Variants in SUN2 observed in about 807,000 individuals in gnomAD.
SUN2 encodes the protein Sad1 and UNC84 domain containing 2.
A neutral mutation model predicts 100.0 loss-of-function variants in SUN2; 60 were observed. That is an observed-to-expected ratio of 0.60 (90% CI 0.49 to 0.74). SUN2 has a LOEUF of 0.74. Among genes scored for constraint, SUN2 ranks in the 30% least tolerant of loss-of-function variants. The pLI is 0.00. For missense variants in SUN2, 834 were observed against 954.6 expected, an observed-to-expected ratio of 0.87 and a Z score of 1.66; for synonymous variants, 367 against 403.3, an observed-to-expected ratio of 0.91 and a Z score of 1.08.
chr22:38,750,389 A>G, intron 4 of SUN2, 69 bp from the exon 5 acceptor site: 1 of 1,590,856 alleles, frequency 6.3e-7, no homozygotes, highest in Non-Finnish European at 8.6e-7. Flanking sequence ...GTCTTCTGTG[A>G]GCCAAGACCA....
Position 38,738,292 on chromosome 22 carries a change from G to A in SUN2, c.1948-27C>T, listed in dbSNP as rs374641063. The A allele has an allele frequency of 1.3e-6, 2 of 1,595,860 alleles. No individual in the cohort carries two copies. The highest frequency in any genetic ancestry group is 1.7e-6 in the Non-Finnish European group (2 of 1,165,000). ...TGCAAAGAGAGCGGAGGGAAGTGGG[G>A]AGGGGCTGGAGCAGGGAGAACACCC... On this transcript the variant is annotated intron_variant, in intron 16 of 17. Coordinates refer to ENST00000689035, the MANE Select transcript of SUN2 (RefSeq NM_015374.3). The surrounding 1 kb of genome is among the most constrained non-coding windows in gnomAD (Gnocchi z 6.6).
In SUN2 at chr22:38,755,202, C is replaced by T; in HGVS notation, c.-38+561G>A. On this transcript the variant is annotated intron_variant, in intron 1 of 17. Transcript: ENST00000689035. The surrounding 1 kb of genome is among the most constrained non-coding windows in gnomAD (Gnocchi z 5.7). Reference sequence around the variant, plus strand: ...TTCCACTCCCTGGGCACAGCCAGGCCACACGCCCTTGTGGGACCTGCCAAA... The same window carrying T: ...TTCCACTCCCTGGGCACAGCCAGGCTACACGCCCTTGTGGGACCTGCCAAA... 8.5e-7 allele frequency: 1 copy of T among 1,178,088 alleles called. No homozygotes were observed. Among genetic ancestry groups the T allele is most frequent in the South Asian group, 1.6e-5 (1 of 63,078 alleles). 73.0% of individuals were successfully genotyped at this position (1,178,088 alleles called of 1,614,324 possible).
chr22:38,735,439 G>T lies in SUN2; in HGVS notation c.*828C>A. The T allele has an allele frequency of 3.1e-6, 1 of 324,064 alleles. No individual in the cohort carries two copies. The highest frequency in any genetic ancestry group is 2.3e-5 in the South Asian group (1 of 42,874). 20.1% of individuals were successfully genotyped at this position (324,064 alleles called of 1,614,324 possible). A position where few individuals can be genotyped will look rare whatever the true frequency, so the allele number is the denominator to read the frequency against. ...CCAGATGCTAATGGCCCCAAAGACAGGTCTAGGTCTCCATACCCTGGGAGA... is the reference window on the plus strand; with the variant it reads ...CCAGATGCTAATGGCCCCAAAGACATGTCTAGGTCTCCATACCCTGGGAGA... On this transcript the variant is annotated 3_prime_UTR_variant, in exon 18 of 18. Coordinates refer to ENST00000689035, the MANE Select transcript of SUN2 (RefSeq NM_015374.3).
Position 38,736,008 on chromosome 22 carries a change from T to C in SUN2, c.*259A>G. ...AACTTCCCAGTCCCCCATGATATGC[T>C]ACATATATACACACTCCCAGGATGG... On this transcript the variant is annotated 3_prime_UTR_variant, in exon 18 of 18. Coordinates refer to ENST00000689035, the MANE Select transcript of SUN2 (RefSeq NM_015374.3). 1 of 438,348 alleles carries C rather than the reference T, an allele frequency of 2.3e-6. No individual in the cohort carries two copies. Among genetic ancestry groups the C allele is most frequent in the Non-Finnish European group, 4.4e-6 (1 of 229,260 alleles). The allele number at this position is 438,348 out of a possible 1,614,324, so 27.2% of individuals were successfully genotyped here.
chr22:38,744,528 T>A (rs189388356), intron 8 of SUN2, among the ~76,000 whole-genome samples: 1 of 151,926 alleles, frequency 6.6e-6, no homozygotes. Flanking sequence ...TTACAATGAG[T>A]TATGATTATA....
Position 38,740,574 on chromosome 22 carries a change from G to A in SUN2, c.1191-142C>T. On this transcript the variant is annotated intron_variant, in intron 11 of 17. Transcript: ENST00000689035. This position sits in a 1 kb window ranked among gnomAD's most constrained non-coding sequence, Gnocchi z 4.8. Reference sequence around the variant, plus strand: ...TCATTGTGAACCTGAGAAGGGGCAAGGCCTCTCCTGGGGGTTCTGGCTGCA... The same window carrying A: ...TCATTGTGAACCTGAGAAGGGGCAAAGCCTCTCCTGGGGGTTCTGGCTGCA... 5 of 885,644 alleles carry A rather than the reference G, an allele frequency of 5.6e-6. No individual in the cohort carries two copies. The South Asian group carries it at 1.1e-4, about 20-fold the overall frequency. 54.9% of individuals were successfully genotyped at this position (885,644 alleles called of 1,614,324 possible). A position where few individuals can be genotyped will look rare whatever the true frequency, so the allele number is the denominator to read the frequency against.
At chr22:38,753,986 C>T (rs2092967382) in intron 1 of SUN2, among the ~76,000 whole-genome samples, 2 of 152,144 alleles carry the variant, frequency 1.3e-5, no homozygotes, top group African/African-American at 4.8e-5. Context: ...AAACTTGTTA[C>T]ACAACAAATA....
Position 38,740,864 on chromosome 22 carries a change from G to T in SUN2, c.1190+143C>A. On this transcript the variant is annotated intron_variant, in intron 11 of 17. Transcript: ENST00000689035. This position sits in a 1 kb window ranked among gnomAD's most constrained non-coding sequence, Gnocchi z 4.8. ...GACAGGCCCTGGGCAGGGGTCCTGA[G>T]CTGGGTTTCAACCCCTCCCCCTACC... is the stretch of plus-strand genomic sequence containing the variant. The T allele has an allele frequency of 1.1e-6, 1 of 906,488 alleles. No homozygotes were observed. Among genetic ancestry groups the T allele is most frequent in the African/African-American group, 1.6e-5 (1 of 61,030 alleles). 56.2% of individuals were successfully genotyped at this position (906,488 alleles called of 1,614,324 possible). A position where few individuals can be genotyped will look rare whatever the true frequency, so the allele number is the denominator to read the frequency against.
rs913262793 is a variant in SUN2 at position 38,742,677 on chromosome 22, A to G, written c.814-122T>C. On this transcript the variant is annotated intron_variant, in intron 8 of 17. Coordinates refer to ENST00000689035, the MANE Select transcript of SUN2 (RefSeq NM_015374.3). ...AAAGATTCCAGAGACGTTCCAGCATAAGGCCATGCAGGGCCGGCTGGAGCT... is the reference window on the plus strand; with the variant it reads ...AAAGATTCCAGAGACGTTCCAGCATGAGGCCATGCAGGGCCGGCTGGAGCT... 5.9e-5 allele frequency: 78 copies of G among 1,330,682 alleles called. No homozygotes were observed. In the African/African-American group the frequency reaches 9.7e-4, roughly 17 times the overall value. The allele number at this position is 1,330,682 out of a possible 1,614,324, so 82.4% of individuals were successfully genotyped here. A position where few individuals can be genotyped will look rare whatever the true frequency, so the allele number is the denominator to read the frequency against.
chr22:38,748,847 G>T, intron 6 of SUN2, 64 bp from the exon 7 acceptor site: 2 of 1,514,620 alleles, frequency 1.3e-6, no homozygotes, highest in South Asian at 1.1e-5. Context: ...AGGCCTCCAC[G>T]TTCCACCCAG....
chr22:38,748,846 C>T (rs920094993), intron 6 of SUN2, 63 bp from the exon 7 acceptor site: 83 of 1,529,514 alleles, frequency 5.4e-5, no homozygotes, highest in Non-Finnish European at 7.0e-5. Flanking sequence ...CAGGCCTCCA[C>T]GTTCCACCCA....
chr22:38,739,497 G>T lies in SUN2; in HGVS notation c.1579-71C>A. 3.8e-6 allele frequency: 6 copies of T among 1,560,250 alleles called. No homozygotes were observed. Among genetic ancestry groups the T allele is most frequent in the Non-Finnish European group, 5.3e-6 (6 of 1,139,172 alleles). On this transcript the variant is annotated intron_variant, in intron 13 of 17. Coordinates refer to ENST00000689035, the MANE Select transcript of SUN2 (RefSeq NM_015374.3). This position sits in a 1 kb window ranked among gnomAD's most constrained non-coding sequence, Gnocchi z 6.7. ...GTCCCCCTGTCACCTCGTGGCCGTGGGCCAAGGACCCATGGGCTGACCCCT... is the reference window on the plus strand; with the variant it reads ...GTCCCCCTGTCACCTCGTGGCCGTGTGCCAAGGACCCATGGGCTGACCCCT...
intron 8 of SUN2, chr22:38,745,274 A>G (rs1479628235): frequency 2.2e-6 from 1 of 452,006 alleles, no homozygotes; most frequent in African/African-American, 2.0e-5. Flanking sequence ...CTGCAGACAG[A>G]CAGATCCACA....
chr22:38,742,160 AG>A lies in SUN2; in HGVS notation c.1068+140del, dbSNP rs201123269. 935 of 1,096,498 alleles carry A rather than the reference AG, an allele frequency of 8.5e-4. 7 individuals carry two copies. In the East Asian group the frequency reaches 0.023, roughly 27 times the overall value. 67.9% of individuals were successfully genotyped at this position (1,096,498 alleles called of 1,614,324 possible). The stretch of plus-strand genomic sequence containing the variant: ...ATTGTCTCAAAAAGAAAAAAAAAAA[AG>A]AAAAAAAGAGAAAGGGAGTAACTGC... On this transcript the variant is annotated intron_variant, in intron 9 of 17. Coordinates refer to ENST00000689035, the MANE Select transcript of SUN2 (RefSeq NM_015374.3).
rs1183939392 is a variant in SUN2 at position 38,755,530 on chromosome 22, G to T, written c.-38+233C>A. The T allele has an allele frequency of 1.3e-5, 13 of 980,172 alleles. No individual in the cohort carries two copies. The highest frequency in any genetic ancestry group is 5.2e-4 in the Middle Eastern group (1 of 1,922). The allele number at this position is 980,172 out of a possible 1,614,324, so 60.7% of individuals were successfully genotyped here. On this transcript the variant is annotated intron_variant, in intron 1 of 17. Coordinates refer to ENST00000689035, the MANE Select transcript of SUN2 (RefSeq NM_015374.3). This position sits in a 1 kb window ranked among gnomAD's most constrained non-coding sequence, Gnocchi z 5.7. ...CCCGGGAGGCTGCCCGGGAAGTCCC[G>T]CCCGCAGACACCGCCCTCCCGGCTG...
Position 38,737,697 on chromosome 22 carries a change from G to A in SUN2, c.2040+476C>T, listed in dbSNP as rs2037061405. The stretch of plus-strand genomic sequence containing the variant: ...ATGGTTTGTTCAAATGCAGGCTCCT[G>A]GGTCCTGTCAGCCCTAAGGAACCAG... On this transcript the variant is annotated intron_variant, in intron 17 of 17. Transcript: ENST00000689035. The surrounding 1 kb of genome is among the most constrained non-coding windows in gnomAD (Gnocchi z 4.1). 2.8e-6 allele frequency: 1 copy of A among 357,218 alleles called. No homozygotes were observed. Among genetic ancestry groups the A allele is most frequent in the African/African-American group, 2.1e-5 (1 of 46,700 alleles). The allele number at this position is 357,218 out of a possible 1,614,324, so 22.1% of individuals were successfully genotyped here.
rs751557207 is a variant in SUN2, at chr22:38,741,581, G to C, written c.1069-10C>G. 9.3e-6 allele frequency: 15 copies of C among 1,613,354 alleles called. No individual in the cohort carries two copies. The South Asian group carries it at 1.5e-4, about 17-fold the overall frequency. On this transcript the variant is annotated splice_polypyrimidine_tract_variant and intron_variant, in intron 9 of 17. Coordinates refer to ENST00000689035, the MANE Select transcript of SUN2 (RefSeq NM_015374.3). ...GGGCAGACAGTTCTTCCTGTGAGACGGGAGTGAGAGGACAGGTTGGACAGA... is the reference window on the plus strand; with the variant it reads ...GGGCAGACAGTTCTTCCTGTGAGACCGGAGTGAGAGGACAGGTTGGACAGA...
In SUN2 at chr22:38,751,186, C is replaced by T. The variant is rs377733246; in HGVS notation, c.286+24G>A. Reference sequence around the variant, plus strand: ...GCGGGAGGCCGAGGAAGCAAAGCCCCGGGACGGAGGGCTCCACACTCACCC... The same window carrying T: ...GCGGGAGGCCGAGGAAGCAAAGCCCTGGGACGGAGGGCTCCACACTCACCC... On this transcript the variant is annotated intron_variant, in intron 3 of 17. Coordinates refer to ENST00000689035, the MANE Select transcript of SUN2 (RefSeq NM_015374.3). 4.2e-5 allele frequency: 67 copies of T among 1,605,124 alleles called. 1 individual carries two copies. The highest frequency in any genetic ancestry group is 2.4e-4 in the South Asian group (22 of 90,878).
In SUN2 at chr22:38,750,908, G is replaced by A. The variant is rs1569305084; in HGVS notation, c.414C>T (p.Asp138=). The change falls in exon 4 of 18, where the codon GAC becomes GAT. Residue 138 remains aspartate, a synonymous_variant. Coordinates refer to ENST00000689035, the MANE Select transcript of SUN2 (RefSeq NM_015374.3). ...GGAAGCATCGCCTACCCACGTAGTC[G>A]TCCTCAGAGGAGTAGCCCGAGGAAG... ...LGSSSGYSSE[D]DYVGYSDVDQ... 9 of 1,613,848 alleles carry A rather than the reference G, an allele frequency of 5.6e-6. No homozygotes were observed. Among genetic ancestry groups the A allele is most frequent in the South Asian group, 1.1e-5 (1 of 91,086 alleles).
Sources: gnomAD v4.1 joint callset for allele counts (sites outside exome capture counted in the v4.1 genomes callset) on GRCh38, gnomAD v4.1.1 for gene constraint, Gnocchi (gnomAD v3.1) non-coding constraint, MANE v1.5 for transcripts, NCBI Gene and HGNC (gene_info 2026-07-23, HGNC 2026-07-21) for gene names.